The following MYBPC3 variants were observed in gnomAD, a reference collection of about 807,000 sequenced individuals.
MYBPC3 encodes the protein myosin-binding protein C, cardiac-type.
A neutral mutation model predicts 159.3 loss-of-function variants in MYBPC3; 108 were observed. That is an observed-to-expected ratio of 0.68 (90% confidence interval 0.58 to 0.80). The LOEUF (loss-of-function observed/expected upper bound fraction) is 0.80, where lower values mean the gene tolerates loss of function less well. Among genes scored for constraint, MYBPC3 ranks in the 30% least tolerant of loss-of-function variants. MYBPC3 has a pLI of 0.00. For missense variants in MYBPC3, 1,631 were observed against 1,762.1 expected, an observed-to-expected ratio of 0.93 and a Z score of 1.33; for synonymous variants, 730 against 702.0, an observed-to-expected ratio of 1.04 and a Z score of -0.63.
chr11:47,342,082 C>T lies in MYBPC3; in HGVS notation c.1699G>A (p.Glu567Lys). Residue 567 changes from glutamate (E) to lysine (K), a missense_variant, in exon 18 of 35, where the codon GAG becomes AAG. Coordinates refer to ENST00000545968, the MANE Select transcript of MYBPC3 (RefSeq NM_000256.3). ...GAKDQAVFKCEVSDENVRGVW... is the reference protein window; with the variant it reads ...GAKDQAVFKCKVSDENVRGVW... ...CCCCGAACATTCTCATCTGAGACCTCACATTTGAACACCGCCTGGTCCTTT... is the reference window on the plus strand; with the variant it reads ...CCCCGAACATTCTCATCTGAGACCTTACATTTGAACACCGCCTGGTCCTTT... The T allele has an allele frequency of 6.2e-7, 1 of 1,613,902 alleles. No individual in the cohort carries two copies. Among genetic ancestry groups the T allele is most frequent in the Non-Finnish European group, 8.5e-7 (1 of 1,179,836 alleles).
rs767290803 is a variant in MYBPC3, at chr11:47,346,995, C to A, written c.908+32G>T. The A allele has an allele frequency of 2.6e-6, 2 of 774,752 alleles. No individual in the cohort carries two copies. Among genetic ancestry groups the A allele is most frequent in the South Asian group, 2.7e-5 (2 of 74,742 alleles). 48.0% of individuals were successfully genotyped at this position (774,752 alleles called of 1,614,324 possible). A position where few individuals can be genotyped will look rare whatever the true frequency, so the allele number is the denominator to read the frequency against. ...CCCCTCTGCACCCACCAGCGCCCTGCCGCCCCCAAACACCCAGACCCCGAT... is the reference window on the plus strand; with the variant it reads ...CCCCTCTGCACCCACCAGCGCCCTGACGCCCCCAAACACCCAGACCCCGAT... On this transcript the variant is annotated intron_variant, in intron 10 of 34. Coordinates refer to ENST00000545968, the MANE Select transcript of MYBPC3 (RefSeq NM_000256.3). This position sits in a 1 kb window ranked among gnomAD's most constrained non-coding sequence, Gnocchi z 5.3.
Position 47,348,556 on chromosome 11 carries a change from G to A in MYBPC3, c.655-15C>T, listed in dbSNP as rs188327777. On this transcript the variant is annotated splice_polypyrimidine_tract_variant and intron_variant, in intron 5 of 34. Coordinates refer to ENST00000545968, the MANE Select transcript of MYBPC3 (RefSeq NM_000256.3). The stretch of plus-strand genomic sequence containing the variant: ...AACAGATAGACCTGTGTGCATGGAG[G>A]GACGGGGCGTCAGGGGACACCAGGG... The A allele has an allele frequency of 1.6e-5, 25 of 1,596,378 alleles. No homozygotes were observed. The highest frequency in any genetic ancestry group is 3.3e-4 in the Middle Eastern group (2 of 6,022).
chr11:47,333,936 G>A lies in MYBPC3; in HGVS notation c.2980C>T (p.Leu994Phe), dbSNP rs375776406. 573 of 1,577,622 alleles carry A rather than the reference G, an allele frequency of 3.6e-4. No individual in the cohort carries two copies. The highest frequency in any genetic ancestry group is 4.8e-4 in the Non-Finnish European group (557 of 1,161,714). Reference protein sequence around the residue: ...QKKVGEPVNLLIPFQGKPRPQ... With the variant: ...QKKVGEPVNLFIPFQGKPRPQ... ...GCCAGTCCCACCTGGAAAGGGATGAGAAGGTTCACAGGCTCCCCGACCTTC... is the reference window on the plus strand; with the variant it reads ...GCCAGTCCCACCTGGAAAGGGATGAAAAGGTTCACAGGCTCCCCGACCTTC... The change falls in exon 28 of 35, where the codon CTC becomes TTC. Residue 994 changes from leucine (L) to phenylalanine (F), a missense_variant. Physicochemically the swap from Leu to Phe is conservative, Grantham distance 22. Transcript: ENST00000545968.
chr11:47,348,120 T>C (rs976358150), intron 6 of MYBPC3, among the ~76,000 whole-genome samples: 3 of 152,072 alleles, frequency 2.0e-5, no homozygotes, highest in Non-Finnish European at 4.4e-5. Flanking sequence ...CCCACCCATC[T>C]CTCAACTCAC....
chr11:47,338,768 AT>A lies in MYBPC3; in HGVS notation c.2149-90del, dbSNP rs1178413219. The stretch of plus-strand genomic sequence containing the variant: ...CAACAGCCAGATGTCCCGGGGGTCC[AT>A]GGGGGGAACACAGCCTGTGGGAAGA... On this transcript the variant is annotated intron_variant, in intron 22 of 34. Transcript: ENST00000545968. This position sits in a 1 kb window ranked among gnomAD's most constrained non-coding sequence, Gnocchi z 4.7. 9 of 1,426,370 alleles carry A rather than the reference AT, an allele frequency of 6.3e-6. No homozygotes were observed. Among genetic ancestry groups the A allele is most frequent in the Non-Finnish European group, 8.4e-6 (9 of 1,069,956 alleles). The allele number at this position is 1,426,370 out of a possible 1,614,324, so 88.4% of individuals were successfully genotyped here. A position where few individuals can be genotyped will look rare whatever the true frequency, so the allele number is the denominator to read the frequency against.
At chr11:47,339,462 C>T in intron 21 of MYBPC3, 58 bp from the exon 22 acceptor site, 1 of 1,571,158 alleles carries the variant, frequency 6.4e-7, no homozygotes, top group Admixed American at 1.7e-5. Context: ...CCTGGAAGCG[C>T]CCCTCTGCTG....
chr11:47,350,872 C>T (rs1038582549), intron 2 of MYBPC3, among the ~76,000 whole-genome samples: 8 of 152,222 alleles, frequency 5.3e-5, no homozygotes, highest in Admixed American at 5.2e-4. Flanking sequence ...AGGTCCATCC[C>T]TGCTCTGCCC....
Position 47,348,524 on chromosome 11 carries a change from C to A in MYBPC3, c.672G>T (p.Leu224=), listed in dbSNP as rs1035118341. Residue 224 remains leucine (L), a synonymous_variant, in exon 6 of 35, where the codon CTG becomes CTT. Transcript: ENST00000545968. ...DRASKVYLFE[L]HITDAQPAFT... is the part of the protein sequence containing the mutation. ...AGGCAGGCTGGGCATCGGTGATGTG[C>A]AGCTCGAACAGATAGACCTGTGTGC... is the stretch of plus-strand genomic sequence containing the variant. 3.1e-6 allele frequency: 5 copies of A among 1,612,504 alleles called. No individual in the cohort carries two copies. Among genetic ancestry groups the A allele is most frequent in the Non-Finnish European group, 4.2e-6 (5 of 1,179,296 alleles).
In MYBPC3 at chr11:47,343,275, AG is replaced by A; in HGVS notation, c.1224-14del. The A allele has an allele frequency of 2.6e-6, 4 of 1,555,058 alleles. No homozygotes were observed. Among genetic ancestry groups the A allele is most frequent in the Non-Finnish European group, 3.5e-6 (4 of 1,154,924 alleles). On this transcript the variant is annotated splice_polypyrimidine_tract_variant and intron_variant, in intron 13 of 34. Transcript: ENST00000545968. ...GGGAACTTACTTGCTGTAGAACAGA[AG>A]GGGCCGTTGAAGTGTTCCCGACGGG...
chr11:47,348,707 C>G (rs530053088), intron 5 of MYBPC3, among the ~76,000 whole-genome samples, 166 bp from the exon 6 acceptor site: 1 of 151,692 alleles, frequency 6.6e-6, no homozygotes, highest in East Asian at 2.0e-4. Context: ...AGCTCCAGAC[C>G]AGCCTGGCCA....
rs876661367 is a variant in MYBPC3 at position 47,348,440 on chromosome 11, G to A, written c.756C>T (p.Phe252=). The change falls in exon 6 of 35, where the codon TTC becomes TTT. Residue 252 remains phenylalanine, a synonymous_variant. Coordinates refer to ENST00000545968, the MANE Select transcript of MYBPC3 (RefSeq NM_000256.3). ...STKDKFDCSN[F]NLTVHEAMGT... ...CCCCCTCACCGTGGACAGTGAGATTGAAGTTGGAGCAGTCAAATTTGTCCT... is the reference window on the plus strand; with the variant it reads ...CCCCCTCACCGTGGACAGTGAGATTAAAGTTGGAGCAGTCAAATTTGTCCT... 6.2e-7 allele frequency: 1 copy of A among 1,612,404 alleles called. No homozygotes were observed. The highest frequency in any genetic ancestry group is 8.5e-7 in the Non-Finnish European group (1 of 1,178,992).
Position 47,352,580 on chromosome 11 carries a change from C to T in MYBPC3, c.25+43G>A, listed in dbSNP as rs2095901902. ...GCCCTGCTCCCCAATTGTAGACACC[C>T]CCCTGCTCCCACACTTAGACCCAAC... On this transcript the variant is annotated intron_variant, in intron 1 of 34. Coordinates refer to ENST00000545968, the MANE Select transcript of MYBPC3 (RefSeq NM_000256.3). The T allele has an allele frequency of 4.4e-6, 7 of 1,600,462 alleles. No homozygotes were observed. The South Asian group carries it at 6.7e-5, about 15-fold the overall frequency.
At chr11:47,342,419 G>A (rs1324083369) in intron 17 of MYBPC3, among the ~76,000 whole-genome samples, 159 bp downstream of exon 17, 1 of 152,210 alleles carries the variant, frequency 6.6e-6, no homozygotes, top group Admixed American at 6.5e-5. Context: ...CCTCAGCATC[G>A]TCATTTTAGA....
rs2095890946 is a variant in MYBPC3, at chr11:47,343,251, G to A, written c.1226+9C>T. ...CCCCCCACCCCAAGCCATCCAGAGG[G>A]GAACTTACTTGCTGTAGAACAGAAG... On this transcript the variant is annotated intron_variant, in intron 14 of 34. Transcript: ENST00000545968. 6.4e-7 allele frequency: 1 copy of A among 1,567,000 alleles called. No homozygotes were observed. Among genetic ancestry groups the A allele is most frequent in the Admixed American group, 1.8e-5 (1 of 57,088 alleles).
chr11:47,340,535 C>T (rs562710026), intron 20 of MYBPC3, among the ~76,000 whole-genome samples: 12 of 152,210 alleles, frequency 7.9e-5, no homozygotes, highest in African/African-American at 2.4e-4. Flanking sequence ...GGCATGGTGG[C>T]GGGCGCCTGT....
intron 12 of MYBPC3, 90 bp from the exon 13 acceptor site, chr11:47,343,714 C>A (rs1397808561): frequency 6.6e-6 from 9 of 1,365,926 alleles, no homozygotes; most frequent in South Asian, 5.8e-5. Context: ...GGGCCCAGGT[C>A]CCCCCCTCCA....
At position 47,332,371 on chromosome 11, in the gene MYBPC3, G is replaced by A; in HGVS notation, c.3628-113C>T. ...CTCGGGGGGTCCCACGAGAGTCCCTGACTATGCCCAAGGCTGGAAACAAAC... is the reference window on the plus strand; with the variant it reads ...CTCGGGGGGTCCCACGAGAGTCCCTAACTATGCCCAAGGCTGGAAACAAAC... On this transcript the variant is annotated intron_variant, in intron 32 of 34. Coordinates refer to ENST00000545968, the MANE Select transcript of MYBPC3 (RefSeq NM_000256.3). The surrounding 1 kb of genome is among the most constrained non-coding windows in gnomAD (Gnocchi z 4.2). 2.1e-6 allele frequency: 3 copies of A among 1,443,002 alleles called. No individual in the cohort carries two copies. The highest frequency in any genetic ancestry group is 2.9e-6 in the Non-Finnish European group (3 of 1,041,352). 89.4% of individuals were successfully genotyped at this position (1,443,002 alleles called of 1,614,324 possible).
intron 29 of MYBPC3, 56 bp from the exon 30 acceptor site, chr11:47,333,389 CA>C: frequency 1.3e-6 from 2 of 1,507,256 alleles, no homozygotes; most frequent in South Asian, 2.5e-5. Flanking sequence ...AGCAGGGGGT[CA>C]CTGGCTCCAG....
rs1555122293 is a variant in MYBPC3 at position 47,343,016 on chromosome 11, C to T, written c.1351+5G>A. On this transcript the variant is annotated splice_donor_5th_base_variant and intron_variant, in intron 15 of 34. Transcript: ENST00000545968. ...GGTTCCCACATCCTCAGGTCCCAGG[C>T]CCACCTTTCACAAAGAGCTCCGTGC... The T allele has an allele frequency of 5.0e-6, 8 of 1,613,090 alleles. No individual in the cohort carries two copies. The highest frequency in any genetic ancestry group is 6.8e-6 in the Non-Finnish European group (8 of 1,179,764).
Sources: allele counts gnomAD v4.1 joint callset (sites outside exome capture counted in the v4.1 genomes callset), GRCh38; gene constraint gnomAD v4.1.1; non-coding constraint Gnocchi (gnomAD v3.1); transcripts MANE v1.5; gene names NCBI Gene and HGNC (gene_info 2026-07-23, HGNC 2026-07-21).